PLEKHA2: variants seen among roughly 807,000 people sequenced by gnomAD.
The protein encoded by PLEKHA2 is pleckstrin homology domain containing A2, also known as pleckstrin homology domain-containing family A member 2.
Under a neutral mutation model 53.2 loss-of-function variants are expected in PLEKHA2, and 28 were observed. The observed-to-expected ratio is 0.53, with a 90% CI of 0.39 to 0.72. The LOEUF (loss-of-function observed/expected upper bound fraction) is 0.72, where lower values mean the gene tolerates loss of function less well. Ranked by LOEUF, PLEKHA2 falls within the 30% of genes least tolerant of loss-of-function variation. PLEKHA2 has a pLI of 0.00. For missense variants in PLEKHA2, 426 were observed against 537.9 expected, an observed-to-expected ratio of 0.79 and a Z score of 2.06; for synonymous variants, 193 against 196.4, an observed-to-expected ratio of 0.98 and a Z score of 0.14.
rs1262363638 is a variant in PLEKHA2, at chr8:38,958,246, C to T, written c.837+860C>T. Among the ~76,000 whole-genome samples the T allele has an allele frequency of 2.6e-5, 4 of 152,104 alleles. No homozygotes were observed. The East Asian group carries it at 7.7e-4, about 29-fold the overall frequency. ...GCTGAGGCAGGAGAATTGCTTGAAC[C>T]CGGGAGGCAGAGGTTGCAGTGAGCT... On this transcript the variant is annotated intron_variant, in intron 10 of 11. Transcript: ENST00000617275.
At chr8:38,968,184 TGA>T (rs1482918898) in intron 10 of PLEKHA2, among the ~76,000 whole-genome samples, 4 of 152,176 alleles carry the variant, frequency 2.6e-5, no homozygotes, top group Non-Finnish European at 5.9e-5. Context: ...GCAACTATGT[TGA>T]GAGTGAGGAG....
chr8:38,905,002 A>C (rs1028726022), intron 1 of PLEKHA2, among the ~76,000 whole-genome samples: 1 of 152,198 alleles, frequency 6.6e-6, no homozygotes, highest in African/African-American at 2.4e-5. Flanking sequence ...CAGATTAGGA[A>C]ATAGACCCTG....
intron 10 of PLEKHA2, among the ~76,000 whole-genome samples, chr8:38,964,949 C>CA (rs1340317444): frequency 7.2e-6 from 1 of 139,022 alleles, no homozygotes; most frequent in African/African-American, 2.7e-5. Context: ...GGGCTTAAGC[C>CA]ATCTTCCCAC....
Position 38,917,898 on chromosome 8 carries a change from T to G in PLEKHA2, c.-23-9T>G, listed in dbSNP as rs1313759908. The G allele has an allele frequency of 3.7e-6, 6 of 1,609,430 alleles. No homozygotes were observed. Among genetic ancestry groups the G allele is most frequent in the Non-Finnish European group, 4.2e-6 (5 of 1,176,596 alleles). On this transcript the variant is annotated splice_polypyrimidine_tract_variant and intron_variant, in intron 1 of 11. Coordinates refer to ENST00000617275, the MANE Select transcript of PLEKHA2 (RefSeq NM_021623.2). ...TTCCTTCTCATCAGCACCTCCCTCCTGCGCGCAGGGTGATGTGAGCAGAGC... is the reference window on the plus strand; with the variant it reads ...TTCCTTCTCATCAGCACCTCCCTCCGGCGCGCAGGGTGATGTGAGCAGAGC...
At chr8:38,934,219 C>G (rs957380605) in intron 2 of PLEKHA2, among the ~76,000 whole-genome samples, 1 of 151,930 alleles carries the variant, frequency 6.6e-6, no homozygotes, top group African/African-American at 2.4e-5. Flanking sequence ...AGGGTGGTCC[C>G]AGAGTCCTGG....
Position 38,917,938 on chromosome 8 carries a change from T to A in PLEKHA2, c.9T>A (p.Tyr3Ter). The A allele has an allele frequency of 6.2e-7, 1 of 1,613,620 alleles. No individual in the cohort carries two copies. Among genetic ancestry groups the A allele is most frequent in the Non-Finnish European group, 8.5e-7 (1 of 1,179,656 alleles). MP[Y>*]VDRQNRICGF... ...GTGAGCAGAGCCCAGGAATGCCTTA[T>A]GTGGATCGGCAGAACCGAATCTGTG... Residue 3 changes from tyrosine to a stop codon, truncating the protein, a stop_gained, in exon 2 of 12, where the codon TAT becomes TAA. Coordinates refer to ENST00000617275, the MANE Select transcript of PLEKHA2 (RefSeq NM_021623.2). LOFTEE classifies it high-confidence loss of function.
At chr8:38,920,154 T>G (rs1327241856) in intron 2 of PLEKHA2, among the ~76,000 whole-genome samples, 2 of 151,944 alleles carry the variant, frequency 1.3e-5, no homozygotes, top group African/African-American at 2.4e-5. Flanking sequence ...GTTATTTATT[T>G]ATTGATTTAG....
chr8:38,940,705 G>T (rs1834594674), intron 3 of PLEKHA2, among the ~76,000 whole-genome samples: 1 of 148,724 alleles, frequency 6.7e-6, no homozygotes, highest in Admixed American at 6.8e-5. Context: ...CTGGACTATT[G>T]TGTTATGGAG....
chr8:38,918,144 G>T, intron 2 of PLEKHA2, 74 bp downstream of exon 2: 1 of 1,528,962 alleles, frequency 6.5e-7, no homozygotes, highest in Non-Finnish European at 8.8e-7. Context: ...CACAGGGTTA[G>T]CCTCCAGGCC....
chr8:38,933,516 C>A (rs1168488116), intron 2 of PLEKHA2, among the ~76,000 whole-genome samples: 1 of 152,038 alleles, frequency 6.6e-6, no homozygotes, highest in Non-Finnish European at 1.5e-5. Flanking sequence ...ACTCACAAGC[C>A]CACTTTCCTA....
In PLEKHA2 at chr8:38,901,701, C is replaced by T. The variant is rs1224069002; in HGVS notation, c.-24+256C>T. On this transcript the variant is annotated intron_variant, in intron 1 of 11. Transcript: ENST00000617275. Reference sequence around the variant, plus strand: ...CCCTCCTCCAAGTGCCCCGGGTGGCCAAGGTCGCCGCCGCCAGGGGTCGGG... The same window carrying T: ...CCCTCCTCCAAGTGCCCCGGGTGGCTAAGGTCGCCGCCGCCAGGGGTCGGG... The T allele has an allele frequency of 1.3e-5, 2 of 150,874 alleles. 1 individual carries two copies. The allele number at this position is 150,874 out of a possible 1,614,324, so 9.3% of individuals were successfully genotyped here. A position where few individuals can be genotyped will look rare whatever the true frequency, so the allele number is the denominator to read the frequency against.
chr8:38,913,522 G>C (rs1431688589), intron 1 of PLEKHA2, among the ~76,000 whole-genome samples: 1 of 152,208 alleles, frequency 6.6e-6, no homozygotes, highest in African/African-American at 2.4e-5. Flanking sequence ...TTTTCTCTGG[G>C]AGGTGCCTCA....
At chr8:38,919,953 C>T (rs1040155273) in intron 2 of PLEKHA2, among the ~76,000 whole-genome samples, 1 of 152,120 alleles carries the variant, frequency 6.6e-6, no homozygotes, top group Non-Finnish European at 1.5e-5. Flanking sequence ...ATATCATTTT[C>T]CTTTCCTTTG....
chr8:38,952,490 C>A (rs1055881168), intron 7 of PLEKHA2, 146 bp from the exon 8 acceptor site: 17 of 1,273,392 alleles, frequency 1.3e-5, no homozygotes, highest in Non-Finnish European at 1.7e-5. Context: ...AGAGGTGTTG[C>A]CCCTGATATG....
chr8:38,958,906 G>A (rs1588275099), intron 10 of PLEKHA2, among the ~76,000 whole-genome samples: 2 of 152,120 alleles, frequency 1.3e-5, no homozygotes. Context: ...CGCAGGGGAG[G>A]GAGTGCTGGG....
At chr8:38,913,580 T>C (rs575393265) in intron 1 of PLEKHA2, among the ~76,000 whole-genome samples, 3 of 152,240 alleles carry the variant, frequency 2.0e-5, no homozygotes, top group East Asian at 3.9e-4. Flanking sequence ...CTGTGACTGG[T>C]TGGGCATCAA....
At position 38,952,284 on chromosome 8, in the gene PLEKHA2, G is replaced by C; in HGVS notation, c.605G>C (p.Ser202Thr). The C allele has an allele frequency of 6.2e-7, 1 of 1,612,982 alleles. No homozygotes were observed. The highest frequency in any genetic ancestry group is 8.5e-7 in the Non-Finnish European group (1 of 1,179,578). ...RASTGPPLIKSGYCVKQGNVR... is the reference protein window; with the variant it reads ...RASTGPPLIKTGYCVKQGNVR... ...TCCACTGGGCCTCCCCTCATTAAGA[G>C]TGGTTACTGCGTGAAGCAAGGGAAT... The change falls in exon 7 of 12, where the codon AGT (serine) becomes ACT (threonine). Residue 202 changes from serine (S) to threonine (T), a missense_variant. Physicochemically the swap from Ser to Thr is moderately conservative, Grantham distance 58 (BLOSUM62 1). Coordinates refer to ENST00000617275, the MANE Select transcript of PLEKHA2 (RefSeq NM_021623.2).
chr8:38,934,872 TA>T (rs61354141), intron 2 of PLEKHA2, among the ~76,000 whole-genome samples: 31,505 of 150,138 alleles, frequency 0.21, 3,495 homozygotes, highest in Non-Finnish European at 0.25. Flanking sequence ...CTATGTATTA[TA>T]AAAAAAAAAT....
chr8:38,907,850 G>A (rs1257554460), intron 1 of PLEKHA2, among the ~76,000 whole-genome samples: 1 of 151,606 alleles, frequency 6.6e-6, no homozygotes. Context: ...ATGTATGTAT[G>A]TATGTATGTA....
Sources: allele counts gnomAD v4.1 joint callset (sites outside exome capture counted in the v4.1 genomes callset), GRCh38; gene constraint gnomAD v4.1.1; transcripts MANE v1.5; gene names NCBI Gene and HGNC (gene_info 2026-07-23, HGNC 2026-07-21).